Variants in ANKS1A observed in about 807,000 individuals in gnomAD.
The protein encoded by ANKS1A is ankyrin repeat and SAM domain-containing protein 1A.
In ANKS1A, 55 loss-of-function variants were observed where a neutral mutation model predicts 120.3. The ratio of observed to expected loss-of-function variants is 0.46; its 90% confidence interval spans 0.37 to 0.57. The LOEUF (loss-of-function observed/expected upper bound fraction) is 0.57, where lower values mean the gene tolerates loss of function less well. Among genes scored for constraint, ANKS1A ranks in the 20% least tolerant of loss-of-function variants. ANKS1A has a pLI of 0.00. For missense variants in ANKS1A, 1,123 were observed against 1,480.3 expected, an observed-to-expected ratio of 0.76 and a Z score of 3.96; for synonymous variants, 590 against 604.7, an observed-to-expected ratio of 0.98 and a Z score of 0.36.
At chr6:35,088,537 C>T in intron 23 of ANKS1A, 69 bp from the exon 24 acceptor site, 16 of 1,593,906 alleles carry the variant, frequency 1.0e-5, no homozygotes, top group Non-Finnish European at 1.3e-5. Flanking sequence ...GTTTCCTTTC[C>T]ATTTCCTCCA....
At chr6:34,922,781 C>T (rs1161685947) in intron 1 of ANKS1A, among the ~76,000 whole-genome samples, 1 of 151,520 alleles carries the variant, frequency 6.6e-6, no homozygotes, top group East Asian at 1.9e-4. Flanking sequence ...GCAATCTCCA[C>T]CTCCTGGGTT....
At chr6:34,930,717 A>C (rs1257560717) in intron 1 of ANKS1A, among the ~76,000 whole-genome samples, 1 of 151,994 alleles carries the variant, frequency 6.6e-6, no homozygotes, top group African/African-American at 2.4e-5. Flanking sequence ...AAACTTGGGA[A>C]CGTTATATCT....
intron 1 of ANKS1A, among the ~76,000 whole-genome samples, chr6:34,949,274 G>A (rs1277130352): frequency 5.3e-5 from 8 of 152,172 alleles, no homozygotes; most frequent in African/African-American, 1.9e-4. Flanking sequence ...AGAGATGGAT[G>A]GTGCATAGCT....
In ANKS1A at chr6:35,088,993, G is replaced by C; in HGVS notation, c.*384G>C. 1 of 1,182,460 alleles carries C rather than the reference G, an allele frequency of 8.5e-7. No individual in the cohort carries two copies. Among genetic ancestry groups the C allele is most frequent in the South Asian group, 2.0e-5 (1 of 49,680 alleles). 73.2% of individuals were successfully genotyped at this position (1,182,460 alleles called of 1,614,324 possible). On this transcript the variant is annotated 3_prime_UTR_variant, in exon 24 of 24. Transcript: ENST00000360359. ...CCATGGGGCAGAGGACAGGGGAGCTGAGGTTGGTTCAGAGGCCAGCCTGCA... is the reference window on the plus strand; with the variant it reads ...CCATGGGGCAGAGGACAGGGGAGCTCAGGTTGGTTCAGAGGCCAGCCTGCA...
chr6:34,924,891 G>C (rs1156851581), intron 1 of ANKS1A, among the ~76,000 whole-genome samples: 1 of 152,160 alleles, frequency 6.6e-6, no homozygotes, highest in Non-Finnish European at 1.5e-5. Context: ...GAAGTGCTGG[G>C]ATTATAGGCG....
At chr6:35,054,867 T>A (rs988845086) in intron 12 of ANKS1A, among the ~76,000 whole-genome samples, 13 of 152,228 alleles carry the variant, frequency 8.5e-5, no homozygotes, top group Non-Finnish European at 1.9e-4. Context: ...AGAGCAGATC[T>A]CACACCTCTC....
In ANKS1A at chr6:34,982,062, T is replaced by C. The variant is rs1379024934; in HGVS notation, c.732+76T>C. 1 of 1,526,634 alleles carries C rather than the reference T, an allele frequency of 6.6e-7. No individual in the cohort carries two copies. The allele number at this position is 1,526,634 out of a possible 1,614,324, so 94.6% of individuals were successfully genotyped here. A position where few individuals can be genotyped will look rare whatever the true frequency, so the allele number is the denominator to read the frequency against. ...GCAGAAGGCACAAGGACCATGCTGCTGGGCTGTGCTCTTTATTTAGCACGT... is the reference window on the plus strand; with the variant it reads ...GCAGAAGGCACAAGGACCATGCTGCCGGGCTGTGCTCTTTATTTAGCACGT... On this transcript the variant is annotated intron_variant, in intron 4 of 23. Transcript: ENST00000360359. This position sits in a 1 kb window ranked among gnomAD's most constrained non-coding sequence, Gnocchi z 4.9.
intron 10 of ANKS1A, among the ~76,000 whole-genome samples, chr6:35,009,598 T>C (rs2177381): frequency 0.66 from 100,764 of 151,840 alleles, 35,782 homozygotes; most frequent in Non-Finnish European, 0.8. Flanking sequence ...GTTGAGGTGA[T>C]TCTTAACGTT....
intron 11 of ANKS1A, among the ~76,000 whole-genome samples, chr6:35,051,727 T>TGGGAGATGGGTAA (rs1439761364): frequency 6.6e-6 from 1 of 152,232 alleles, no homozygotes; most frequent in African/African-American, 2.4e-5. Context: ...GAGAGGCAAC[T>TGGGAGATGGGTAA]GGGAGATGGG....
At chr6:35,016,496 G>A (rs1228252469) in intron 10 of ANKS1A, among the ~76,000 whole-genome samples, 1 of 152,176 alleles carries the variant, frequency 6.6e-6, no homozygotes, top group Non-Finnish European at 1.5e-5. Flanking sequence ...AAGCCCCTGG[G>A]TGTGCCAGTG....
chr6:34,962,620 T>C (rs2127502423), intron 1 of ANKS1A, among the ~76,000 whole-genome samples: 1 of 151,890 alleles, frequency 6.6e-6, no homozygotes, highest in South Asian at 2.1e-4. Flanking sequence ...ACCCCATCTC[T>C]ACTAAAAATA....
intron 13 of ANKS1A, among the ~76,000 whole-genome samples, chr6:35,072,028 C>T (rs904388989): frequency 1.3e-5 from 2 of 152,408 alleles, no homozygotes; most frequent in East Asian, 1.9e-4. Context: ...CAGTCCCCTT[C>T]CTGGGCCTTT....
intron 3 of ANKS1A, among the ~76,000 whole-genome samples, chr6:34,976,483 A>G (rs1771591971): frequency 6.6e-6 from 1 of 152,170 alleles, no homozygotes; most frequent in Non-Finnish European, 1.5e-5. Flanking sequence ...TCATAAAATG[A>G]GTAACAATCA....
At chr6:34,984,619 G>A (rs939363545) in intron 7 of ANKS1A, among the ~76,000 whole-genome samples, 1 of 152,168 alleles carries the variant, frequency 6.6e-6, no homozygotes, top group Non-Finnish European at 1.5e-5. Flanking sequence ...CAGGTGCTCC[G>A]AGGCTGATAG....
intron 11 of ANKS1A, among the ~76,000 whole-genome samples, chr6:35,031,444 G>A (rs142043791): frequency 3.7e-4 from 57 of 152,210 alleles, no homozygotes; most frequent in Non-Finnish European, 5.0e-4. Flanking sequence ...GACAGATAAG[G>A]CCTGAGAAAG....
intron 1 of ANKS1A, among the ~76,000 whole-genome samples, chr6:34,936,226 T>C (rs1321610996): frequency 6.6e-6 from 1 of 152,152 alleles, no homozygotes; most frequent in African/African-American, 2.4e-5. Context: ...GCCAACCAGC[T>C]CTTACCTTCA....
intron 10 of ANKS1A, among the ~76,000 whole-genome samples, chr6:35,016,848 C>T (rs1226346651): frequency 2.0e-5 from 3 of 150,576 alleles, no homozygotes; most frequent in Admixed American, 2.0e-4. Context: ...CTCGGAATGG[C>T]CCCCTCCGAG....
Position 35,079,598 on chromosome 6 carries a change from A to G in ANKS1A, c.2366A>G (p.His789Arg). 1 of 1,614,160 alleles carries G rather than the reference A, an allele frequency of 6.2e-7. No homozygotes were observed. Among genetic ancestry groups the G allele is most frequent in the East Asian group, 2.2e-5 (1 of 44,874 alleles). ...LDSLGLQDYV[H>R]SFLSSGYSSI... ...TCCCTGGGGCTGCAGGACTACGTCCATTCCTTCTTGTCAAGTGGTTACAGC... is the reference window on the plus strand; with the variant it reads ...TCCCTGGGGCTGCAGGACTACGTCCGTTCCTTCTTGTCAAGTGGTTACAGC... Residue 789 changes from histidine to arginine, a missense_variant, in exon 15 of 24, where the codon CAT (histidine) becomes CGT (arginine). His to Arg is a conservative substitution (Grantham distance 29). Coordinates refer to ENST00000360359, the MANE Select transcript of ANKS1A (RefSeq NM_015245.3).
intron 10 of ANKS1A, among the ~76,000 whole-genome samples, chr6:35,003,273 C>T (rs557972778): frequency 6.6e-6 from 1 of 152,246 alleles, no homozygotes; most frequent in African/African-American, 2.4e-5. Flanking sequence ...CCGAATCATA[C>T]GGTTGCAAGC....
Sources: allele counts gnomAD v4.1 joint callset (sites outside exome capture counted in the v4.1 genomes callset), GRCh38; gene constraint gnomAD v4.1.1; non-coding constraint Gnocchi (gnomAD v3.1); transcripts MANE v1.5; gene names NCBI Gene and HGNC (gene_info 2026-07-23, HGNC 2026-07-21).